Variants in EMID1 observed in about 807,000 individuals in gnomAD.
EMID1 encodes EMI domain-containing protein 1.
EMID1 carries 40 observed loss-of-function variants against 60.6 expected under a neutral mutation model. The observed-to-expected ratio is 0.66, with a 90% CI of 0.51 to 0.86. The LOEUF is 0.86. EMID1 is among the 40% of genes least tolerant of loss of function. The pLI is 0.00. For missense variants in EMID1, 585 were observed against 597.1 expected, an observed-to-expected ratio of 0.98 and a Z score of 0.21; for synonymous variants, 242 against 231.0, an observed-to-expected ratio of 1.05 and a Z score of -0.43.
intron 13 of EMID1, among the ~76,000 whole-genome samples, chr22:29,249,655 C>T (rs1482355954): frequency 6.6e-6 from 1 of 151,134 alleles, no homozygotes; most frequent in Non-Finnish European, 1.5e-5. Context: ...ACTCTTGTTG[C>T]CCAGGCTGGA....
intron 3 of EMID1, among the ~76,000 whole-genome samples, chr22:29,223,433 A>G (rs1052941378): frequency 6.6e-6 from 1 of 152,198 alleles, no homozygotes; most frequent in African/African-American, 2.4e-5. Flanking sequence ...AGAGTACTAA[A>G]ATGACATCAC....
chr22:29,214,871 C>T (rs2040023088), intron 1 of EMID1, 55 bp from the exon 2 acceptor site: 2 of 1,338,268 alleles, frequency 1.5e-6, no homozygotes, highest in African/African-American at 1.4e-5. Context: ...TCCTGGAGTC[C>T]CCAGCAGGGG....
chr22:29,215,395 G>C (rs368245924), intron 2 of EMID1, 132 bp from the exon 3 acceptor site: 1 of 1,274,092 alleles, frequency 7.8e-7, no homozygotes, highest in Non-Finnish European at 1.1e-6. Context: ...AAATGCAGGA[G>C]AGAGCCTCCA....
chr22:29,208,427 C>T (rs1343321181), intron 1 of EMID1, among the ~76,000 whole-genome samples: 1 of 152,232 alleles, frequency 6.6e-6, no homozygotes, highest in Non-Finnish European at 1.5e-5. Context: ...GGGCTGCTTC[C>T]TGCCCCGCTG....
In EMID1 at chr22:29,234,336, C is replaced by G; in HGVS notation, c.1061C>G (p.Ser354Cys). 1.2e-6 allele frequency: 2 copies of G among 1,614,012 alleles called. No homozygotes were observed. Among genetic ancestry groups the G allele is most frequent in the Non-Finnish European group, 1.7e-6 (2 of 1,179,996 alleles). Residue 354 changes from serine (S) to cysteine (C), a missense_variant, in exon 12 of 15, where the codon TCT (serine) becomes TGT (cysteine). Transcript: ENST00000334018. ...CGTGGGGAGCCTGGCCCCCAAGGCT[C>G]TGCTGGGCAGCGGGTAAGTGTTGCT... ...GLRGEPGPQG[S>C]AGQRGEPGPK...
At chr22:29,223,548 A>C (rs1288261711) in intron 3 of EMID1, among the ~76,000 whole-genome samples, 1 of 152,126 alleles carries the variant, frequency 6.6e-6, no homozygotes, top group Admixed American at 6.5e-5. Context: ...GGTGCCCCCC[A>C]CCTCCACCAA....
intron 12 of EMID1, among the ~76,000 whole-genome samples, chr22:29,236,749 A>G (rs7284125): frequency 0.3 from 45,729 of 152,052 alleles, 8,800 homozygotes; most frequent in Middle Eastern, 0.45. Context: ...TGTTATTTAT[A>G]TAGTTGGGTT....
In EMID1 at chr22:29,206,158, T is replaced by C. The variant is rs2039640048; in HGVS notation, c.101+19T>C. On this transcript the variant is annotated intron_variant, in intron 1 of 14. Coordinates refer to ENST00000334018, the MANE Select transcript of EMID1 (RefSeq NM_133455.4). Reference sequence around the variant, plus strand: ...GACGCAGGTAAGAGCTCCCGGCGCCTTTGCACCCCGCTGGCCGAGGGTCCC... The same window carrying C: ...GACGCAGGTAAGAGCTCCCGGCGCCCTTGCACCCCGCTGGCCGAGGGTCCC... 2.4e-6 allele frequency: 3 copies of C among 1,228,190 alleles called. No homozygotes were observed. Among genetic ancestry groups the C allele is most frequent in the Non-Finnish European group, 2.0e-6 (2 of 985,134 alleles). The allele number at this position is 1,228,190 out of a possible 1,614,324, so 76.1% of individuals were successfully genotyped here.
At chr22:29,249,008 T>A (rs1003082444) in intron 13 of EMID1, among the ~76,000 whole-genome samples, 3 of 152,172 alleles carry the variant, frequency 2.0e-5, no homozygotes, top group Non-Finnish European at 4.4e-5. Flanking sequence ...CATTCTCTCT[T>A]ACATATTTAT....
intron 14 of EMID1, among the ~76,000 whole-genome samples, chr22:29,257,825 G>A (rs983084294): frequency 1.3e-5 from 2 of 152,216 alleles, no homozygotes; most frequent in African/African-American, 4.8e-5. Context: ...CTGGCAGAGT[G>A]GGACCAAGCC....
At chr22:29,232,107 C>A (rs3817839) in intron 7 of EMID1, 149 bp from the exon 8 acceptor site, 2 of 796,656 alleles carry the variant, frequency 2.5e-6, no homozygotes, top group African/African-American at 1.7e-5. Context: ...GTGCTCATCC[C>A]CCTGTTAGAC....
chr22:29,227,704 CA>C (rs560219761), intron 5 of EMID1, among the ~76,000 whole-genome samples: 14,734 of 89,082 alleles, frequency 0.17, 701 homozygotes, highest in African/African-American at 0.21. Flanking sequence ...GACTCTGTCT[CA>C]AAAAAAAAAA....
At chr22:29,215,804 C>A (rs1449678224) in intron 3 of EMID1, among the ~76,000 whole-genome samples, 174 bp downstream of exon 3, 1 of 152,158 alleles carries the variant, frequency 6.6e-6, no homozygotes, top group African/African-American at 2.4e-5. Context: ...CCCTGCCCCC[C>A]ACGGTGACCG....
Position 29,254,252 on chromosome 22 carries a change from G to C in EMID1, c.1169G>C (p.Arg390Thr). The C allele has an allele frequency of 6.2e-7, 1 of 1,614,186 alleles. No individual in the cohort carries two copies. Among genetic ancestry groups the C allele is most frequent in the Non-Finnish European group, 8.5e-7 (1 of 1,180,004 alleles). The change falls in exon 14 of 15, where the codon AGG (arginine) becomes ACG (threonine). Residue 390 changes from arginine (R) to threonine (T), a missense_variant. Coordinates refer to ENST00000334018, the MANE Select transcript of EMID1 (RefSeq NM_133455.4). Reference protein sequence around the residue: ...LREALKILAERVLILETMIGL... With the variant: ...LREALKILAETVLILETMIGL... ...GAGGCTTTGAAGATTTTAGCTGAGA[G>C]GGTTTTAATCTTGGAAACAATGATT...
intron 12 of EMID1, among the ~76,000 whole-genome samples, chr22:29,235,743 A>G (rs931808220): frequency 2.8e-5 from 3 of 106,124 alleles, no homozygotes; most frequent in African/African-American, 1.0e-4. Context: ...TCTAAAATTA[A>G]TTTTCTTTCT....
chr22:29,253,862 C>T, intron 13 of EMID1: 5 of 976,568 alleles, frequency 5.1e-6, no homozygotes, highest in Non-Finnish European at 6.1e-6. Flanking sequence ...CATTAGAGGA[C>T]AGGAGGGCTC....
At chr22:29,226,393 C>A in intron 4 of EMID1, 97 bp from the exon 5 acceptor site, 1 of 1,392,142 alleles carries the variant, frequency 7.2e-7, no homozygotes, top group Non-Finnish European at 9.8e-7. Context: ...CATCAGGTAT[C>A]TGACGCTTTC....
At chr22:29,220,489 C>G (rs1201961235) in intron 3 of EMID1, among the ~76,000 whole-genome samples, 4 of 152,070 alleles carry the variant, frequency 2.6e-5, no homozygotes, top group African/African-American at 9.7e-5. Context: ...AAGTAAATTC[C>G]TTGCAGGAGA....
rs1569014317 is a variant in EMID1 at position 29,258,727 on chromosome 22, C to T, written c.1205-90C>T. 12 of 1,527,362 alleles carry T rather than the reference C, an allele frequency of 7.9e-6. No individual in the cohort carries two copies. In the Middle Eastern group the frequency reaches 7.1e-4, roughly 90 times the overall value. The allele number at this position is 1,527,362 out of a possible 1,614,324, so 94.6% of individuals were successfully genotyped here. A position where few individuals can be genotyped will look rare whatever the true frequency, so the allele number is the denominator to read the frequency against. Reference sequence around the variant, plus strand: ...TGGATTATACCTGGCAGAGCGTGCCCGGTTCTGCCACCCCCTAGAGGGCCA... The same window carrying T: ...TGGATTATACCTGGCAGAGCGTGCCTGGTTCTGCCACCCCCTAGAGGGCCA... On this transcript the variant is annotated intron_variant, in intron 14 of 14. Transcript: ENST00000334018.
Sources: gnomAD v4.1 joint callset for allele counts (sites outside exome capture counted in the v4.1 genomes callset) on GRCh38, gnomAD v4.1.1 for gene constraint, MANE v1.5 for transcripts, NCBI Gene and HGNC (gene_info 2026-07-23, HGNC 2026-07-21) for gene names.